FLI1: variants seen among roughly 807,000 people sequenced by gnomAD.
FLI1 encodes the protein Fli-1 proto-oncogene, ETS transcription factor.
Under a neutral mutation model 53.1 loss-of-function variants are expected in FLI1, and 13 were observed. The observed-to-expected ratio is 0.24, with a 90% CI of 0.16 to 0.39. The LOEUF (loss-of-function observed/expected upper bound fraction) is 0.39. FLI1 is among the 10% of genes least tolerant of loss of function. The pLI is 1.00. For synonymous variants in FLI1, 244 were observed against 236.7 expected (o/e 1.03, Z -0.28); for missense variants, 424 against 600.5 (o/e 0.71, Z 3.07).
In FLI1 at chr11:128,744,955, T is replaced by C. The variant is rs114151773; in HGVS notation, c.19-13160T>C. ...CAGAATGGAGGTTCTTATGCTGGGC[T>C]GGAGTGAGCAGGGAGACTTCCTGGA... On this transcript the variant is annotated intron_variant, in intron 1 of 8. Transcript: ENST00000527786. Among the ~76,000 whole-genome samples the C allele has an allele frequency of 2.4e-3, 370 of 152,298 alleles. 3 individuals carry two copies. Among genetic ancestry groups the C allele is most frequent in the African/African-American group, 7.8e-3 (326 of 41,560 alleles).
intron 5 of FLI1, among the ~76,000 whole-genome samples, chr11:128,791,590 AAACTGTTCC>A (rs1340514730): frequency 6.6e-6 from 1 of 152,230 alleles, no homozygotes; most frequent in Admixed American, 6.5e-5. Context: ...AAAGTACCTT[AAACTGTTCC>A]CCAGCAGTCT....
intron 5 of FLI1, among the ~76,000 whole-genome samples, chr11:128,791,965 T>C (rs1186654691): frequency 6.6e-6 from 1 of 152,210 alleles, no homozygotes; most frequent in Non-Finnish European, 1.5e-5. Context: ...AGAGTGTACC[T>C]TCTGCTCAAT....
chr11:128,704,065 C>T (rs1938454876), intron 1 of FLI1, among the ~76,000 whole-genome samples: 1 of 152,124 alleles, frequency 6.6e-6, no homozygotes, highest in Non-Finnish European at 1.5e-5. Flanking sequence ...AGGCAAGTCA[C>T]TTCACTTCCT....
intron 1 of FLI1, among the ~76,000 whole-genome samples, chr11:128,743,744 G>A (rs550212486): frequency 3.7e-4 from 56 of 152,264 alleles, no homozygotes; most frequent in African/African-American, 1.3e-3. Context: ...GGAACTGTCC[G>A]TGGGTTTTAG....
At chr11:128,775,716 T>C (rs594351) in intron 4 of FLI1, among the ~76,000 whole-genome samples, 115,023 of 152,196 alleles carry the variant, frequency 0.76, 44,536 homozygotes, top group Admixed American at 0.84. Flanking sequence ...CCAGTGCTTG[T>C]GGAGAGTTTG....
chr11:128,768,796 C>G lies in FLI1; in HGVS notation c.385+524C>G, dbSNP rs1941448982. Among the ~76,000 whole-genome samples the G allele has an allele frequency of 1.3e-5, 2 of 152,138 alleles. 1 individual carries two copies. Among genetic ancestry groups the G allele is most frequent in the South Asian group, 4.1e-4 (2 of 4,828 alleles). ...GATGTGTGGGTGCTAGAAGCCCCAC[C>G]CTTAAACAGACCACATCACAGACTC... On this transcript the variant is annotated intron_variant, in intron 3 of 8. Coordinates refer to ENST00000527786, the MANE Select transcript of FLI1 (RefSeq NM_002017.5).
At chr11:128,712,065 G>A (rs537645782) in intron 1 of FLI1, among the ~76,000 whole-genome samples, 41 of 152,212 alleles carry the variant, frequency 2.7e-4, no homozygotes, top group East Asian at 9.7e-4. Flanking sequence ...AGTATGATTC[G>A]CAGTGTTGGA....
chr11:128,787,635 G>A (rs553835915), intron 5 of FLI1, among the ~76,000 whole-genome samples: 2 of 152,194 alleles, frequency 1.3e-5, no homozygotes, highest in African/African-American at 2.4e-5. Context: ...GTATAAATGA[G>A]GATAATTGTA....
At chr11:128,687,917 C>T (rs780975140) in intron 1 of FLI1, among the ~76,000 whole-genome samples, 12 of 152,138 alleles carry the variant, frequency 7.9e-5, no homozygotes, top group Admixed American at 5.2e-4. Flanking sequence ...GTAGCAATAA[C>T]CAGTGAATGG....
intron 8 of FLI1, among the ~76,000 whole-genome samples, chr11:128,809,976 C>T (rs1942896035): frequency 6.6e-6 from 1 of 152,180 alleles, no homozygotes; most frequent in Non-Finnish European, 1.5e-5. Context: ...CATCCAAAAG[C>T]TAAAGCTCAT....
At chr11:128,690,909 G>A (rs971214572), upstream of FLI1, among the ~76,000 whole-genome samples, 3 of 152,164 alleles carry the variant, frequency 2.0e-5, no homozygotes, top group African/African-American at 4.8e-5. Flanking sequence ...CAGCAGCTCT[G>A]CCCAGTCTGG....
chr11:128,795,540 C>T (rs1328131494), intron 5 of FLI1, among the ~76,000 whole-genome samples: 4 of 149,146 alleles, frequency 2.7e-5, no homozygotes, highest in South Asian at 2.1e-4. Flanking sequence ...CTGTAGGATG[C>T]GTTAGAATAT....
intron 1 of FLI1, among the ~76,000 whole-genome samples, chr11:128,743,846 C>A (rs370386843): frequency 1.9e-3 from 290 of 152,332 alleles, no homozygotes; most frequent in African/African-American, 6.4e-3. Flanking sequence ...AGGACCACAG[C>A]AGGACTTGTT....
intron 2 of FLI1, among the ~76,000 whole-genome samples, chr11:128,758,754 T>C (rs1940995474): frequency 6.6e-6 from 1 of 151,834 alleles, no homozygotes; most frequent in South Asian, 2.1e-4. Flanking sequence ...TTAGTAAGAG[T>C]GGAGAAGGGA....
intron 4 of FLI1, among the ~76,000 whole-genome samples, chr11:128,774,267 T>C (rs1199220116): frequency 6.6e-6 from 1 of 152,186 alleles, no homozygotes; most frequent in Non-Finnish European, 1.5e-5. Flanking sequence ...CCGAGGCGTC[T>C]GGTAACTAGT....
intron 1 of FLI1, among the ~76,000 whole-genome samples, chr11:128,720,974 TC>T (rs1706573007): frequency 6.6e-6 from 1 of 152,056 alleles, no homozygotes; most frequent in African/African-American, 2.4e-5. Flanking sequence ...CCCCGGCCCT[TC>T]CCCCTCCACC....
rs1591394161 is a variant in FLI1, at chr11:128,811,166, G to A, written c.*178G>A. 1.6e-6 allele frequency: 1 copy of A among 622,978 alleles called. No individual in the cohort carries two copies. Among genetic ancestry groups the A allele is most frequent in the African/African-American group, 1.8e-5 (1 of 54,356 alleles). 38.6% of individuals were successfully genotyped at this position (622,978 alleles called of 1,614,324 possible). A position where few individuals can be genotyped will look rare whatever the true frequency, so the allele number is the denominator to read the frequency against. On this transcript the variant is annotated 3_prime_UTR_variant, in exon 9 of 9. Transcript: ENST00000527786. ...ATTTTTTTTAATGTTGGTAACTTTT[G>A]CTTCCTCTACCTGAACAAAGAGATG...
At chr11:128,787,225 C>T (rs532667458) in intron 5 of FLI1, among the ~76,000 whole-genome samples, 2 of 152,304 alleles carry the variant, frequency 1.3e-5, no homozygotes, top group South Asian at 2.1e-4. Flanking sequence ...TTGCCAAGCA[C>T]GTTCCTATCC....
chr11:128,773,994 T>G (rs867706949), intron 4 of FLI1, among the ~76,000 whole-genome samples: 2 of 152,090 alleles, frequency 1.3e-5, no homozygotes, highest in African/African-American at 4.8e-5. Context: ...CTTGATGATT[T>G]TAAGCCCCCT....
Sources: gnomAD v4.1 joint callset for allele counts (sites outside exome capture counted in the v4.1 genomes callset) on GRCh38, gnomAD v4.1.1 for gene constraint, MANE v1.5 for transcripts, NCBI Gene and HGNC (gene_info 2026-07-23, HGNC 2026-07-21) for gene names.